KCNIP1: variants seen among roughly 807,000 people sequenced by gnomAD.
KCNIP1 encodes potassium voltage-gated channel interacting protein 1, also known as A-type potassium channel modulatory protein KCNIP1.
A neutral mutation model predicts 33.0 loss-of-function variants in KCNIP1; 18 were observed. The ratio of observed to expected loss-of-function variants is 0.55; its 90% confidence interval spans 0.38 to 0.81. KCNIP1 has a LOEUF of 0.81. Ranked by LOEUF, KCNIP1 falls within the 30% of genes least tolerant of loss-of-function variation. The pLI is 0.00. For missense variants in KCNIP1, 238 were observed against 271.6 expected, an observed-to-expected ratio of 0.88 and a Z score of 0.87; for synonymous variants, 93 against 98.3, an observed-to-expected ratio of 0.95 and a Z score of 0.32.
At chr5:170,568,472 C>T (rs746280750) in intron 1 of KCNIP1, among the ~76,000 whole-genome samples, 3 of 151,810 alleles carry the variant, frequency 2.0e-5, no homozygotes, top group Non-Finnish European at 4.4e-5. Context: ...CTGATGAGCT[C>T]ACCGCCTCCT....
At chr5:170,391,000 T>C (rs905123746) in intron 1 of KCNIP1, among the ~76,000 whole-genome samples, 2 of 152,244 alleles carry the variant, frequency 1.3e-5, no homozygotes, top group African/African-American at 4.8e-5. Context: ...ACCCCTTTCC[T>C]AATTGAATCT....
At chr5:170,663,318 T>A (rs1018389655) in intron 1 of KCNIP1, among the ~76,000 whole-genome samples, 3 of 152,140 alleles carry the variant, frequency 2.0e-5, no homozygotes, top group African/African-American at 7.2e-5. Context: ...AACTTGGACT[T>A]GCCGGAGTCC....
At chr5:170,480,416 T>C (rs1756951591) in intron 1 of KCNIP1, among the ~76,000 whole-genome samples, 1 of 152,070 alleles carries the variant, frequency 6.6e-6, no homozygotes, top group Admixed American at 6.6e-5. Context: ...TTCACATTGG[T>C]ATCCTTTTCT....
intron 1 of KCNIP1, among the ~76,000 whole-genome samples, chr5:170,683,894 ATGTGTGTGTG>A (rs1168722972): frequency 1.1e-5 from 1 of 91,740 alleles, no homozygotes; most frequent in South Asian, 4.9e-4. Context: ...CAGCTAGTGT[ATGTGTGTGTG>A]TGTGTGTGTG....
chr5:170,659,254 T>G (rs1032559567), intron 1 of KCNIP1, among the ~76,000 whole-genome samples: 25 of 152,172 alleles, frequency 1.6e-4, no homozygotes, highest in Non-Finnish European at 8.8e-5. Context: ...TTTGCTTTGC[T>G]CTCTTTGTGG....
At chr5:170,677,383 T>G (rs2113785873) in intron 1 of KCNIP1, among the ~76,000 whole-genome samples, 1 of 152,272 alleles carries the variant, frequency 6.6e-6, no homozygotes, top group South Asian at 2.1e-4. Context: ...GCTGAGCAGT[T>G]TATGGCATCA....
At chr5:170,637,376 CTT>C (rs1346851791) in intron 1 of KCNIP1, among the ~76,000 whole-genome samples, 3 of 152,154 alleles carry the variant, frequency 2.0e-5, no homozygotes, top group African/African-American at 7.2e-5. Context: ...GGCCCCCACT[CTT>C]TGAGTCCATT....
chr5:170,557,571 A>T (rs1242035348), intron 1 of KCNIP1, among the ~76,000 whole-genome samples: 2 of 151,482 alleles, frequency 1.3e-5, no homozygotes, highest in African/African-American at 4.8e-5. Flanking sequence ...CTCCAAGACA[A>T]ACAGTTAGAG....
chr5:170,392,071 G>A (rs1240431516), intron 1 of KCNIP1, among the ~76,000 whole-genome samples: 7 of 152,240 alleles, frequency 4.6e-5, no homozygotes, highest in East Asian at 3.9e-4. Context: ...ACGGGGGCTC[G>A]AGTTCCCCCC....
chr5:170,585,328 G>C (rs1293157239), intron 1 of KCNIP1, among the ~76,000 whole-genome samples: 1 of 152,040 alleles, frequency 6.6e-6, no homozygotes, highest in East Asian at 1.9e-4. Flanking sequence ...TTTTGTCCAG[G>C]GTCATCAGTG....
At chr5:170,490,287 C>T (rs188138597) in intron 1 of KCNIP1, among the ~76,000 whole-genome samples, 3 of 152,340 alleles carry the variant, frequency 2.0e-5, no homozygotes, top group Admixed American at 6.5e-5. Flanking sequence ...ATGTCCCTGA[C>T]CCAGCTGACT....
intron 5 of KCNIP1, among the ~76,000 whole-genome samples, chr5:170,727,040 C>T (rs1236840181): frequency 1.3e-5 from 2 of 152,202 alleles, no homozygotes; most frequent in Admixed American, 6.5e-5. Context: ...AATCTCAAAA[C>T]TTAAATGACC....
At chr5:170,716,623 C>A (rs75098940) in intron 1 of KCNIP1, among the ~76,000 whole-genome samples, 1 of 152,270 alleles carries the variant, frequency 6.6e-6, no homozygotes, top group South Asian at 2.1e-4. Flanking sequence ...ATCCTGCTAC[C>A]CAGACAGCAA....
intron 1 of KCNIP1, among the ~76,000 whole-genome samples, chr5:170,507,235 A>C (rs1183382439): frequency 5.3e-5 from 8 of 152,206 alleles, no homozygotes; most frequent in Non-Finnish European, 1.2e-4. Flanking sequence ...GCTGGGTTCA[A>C]ATTCAGGCTC....
At position 170,680,580 on chromosome 5, in the gene KCNIP1, G is replaced by A. The variant is rs115699166; in HGVS notation, c.62-38178G>A. On this transcript the variant is annotated intron_variant, in intron 1 of 7. Transcript: ENST00000328939. Reference sequence around the variant, plus strand: ...CAAAGCAGGGACCACATATGTTCCAGACCAGCTTGTTGGGTTTTTCACTGG... The same window carrying A: ...CAAAGCAGGGACCACATATGTTCCAAACCAGCTTGTTGGGTTTTTCACTGG... The A allele has an allele frequency of 3.2e-3, 492 of 152,486 alleles. 1 individual carries two copies. Among genetic ancestry groups the A allele is most frequent in the Middle Eastern group, 0.014 (4 of 294 alleles). The allele number at this position is 152,486 out of a possible 1,614,324, so 9.4% of individuals were successfully genotyped here.
chr5:170,383,561 T>C, intron 1 of KCNIP1: 1 of 1,124,218 alleles, frequency 8.9e-7, no homozygotes, highest in Non-Finnish European at 1.3e-6. Context: ...TCATTCCAGC[T>C]GTGAGACCTG....
chr5:170,556,927 G>T (rs1434770863), intron 1 of KCNIP1, among the ~76,000 whole-genome samples: 1 of 152,204 alleles, frequency 6.6e-6, no homozygotes, highest in Non-Finnish European at 1.5e-5. Context: ...AACTTTCCTG[G>T]GTAGGACAGT....
At chr5:170,700,526 C>T (rs146170767) in intron 1 of KCNIP1, among the ~76,000 whole-genome samples, 1 of 152,090 alleles carries the variant, frequency 6.6e-6, no homozygotes, top group Admixed American at 6.5e-5. Context: ...CCGTGATTGC[C>T]CCATTGCACT....
At chr5:170,614,088 G>T (rs1340586759) in intron 1 of KCNIP1, among the ~76,000 whole-genome samples, 3 of 152,236 alleles carry the variant, frequency 2.0e-5, no homozygotes, top group Non-Finnish European at 4.4e-5. Context: ...GGGAGGCATG[G>T]TTCATCTGGC....
Sources: allele counts gnomAD v4.1 joint callset (sites outside exome capture counted in the v4.1 genomes callset), GRCh38; gene constraint gnomAD v4.1.1; transcripts MANE v1.5; gene names NCBI Gene and HGNC (gene_info 2026-07-23, HGNC 2026-07-21).